The following PALLD variants were observed in gnomAD, a reference collection of about 807,000 sequenced individuals.
PALLD encodes the protein palladin.
In PALLD, 61 loss-of-function variants were observed where a neutral mutation model predicts 123.5. The ratio of observed to expected loss-of-function variants is 0.49; its 90% CI spans 0.40 to 0.61. PALLD has a LOEUF of 0.61. PALLD is among the 20% of genes least tolerant of loss of function. The pLI is 0.00. For missense variants in PALLD, 1,273 were observed against 1,377.0 expected, an observed-to-expected ratio of 0.92 and a Z score of 1.20; for synonymous variants, 465 against 496.4, an observed-to-expected ratio of 0.94 and a Z score of 0.84.
intron 10 of PALLD, among the ~76,000 whole-genome samples, chr4:168,806,872 A>G (rs962079503): frequency 5.9e-5 from 9 of 152,088 alleles, no homozygotes; most frequent in Admixed American, 2.0e-4. Context: ...ATGTGTGTGT[A>G]TATATATATA....
chr4:168,678,036 A>G (rs1240133364), intron 3 of PALLD: 1 of 152,246 alleles, frequency 6.6e-6, no homozygotes, highest in African/African-American at 2.4e-5. Context: ...TCATTCCAGC[A>G]GAAGCCTGGA....
At chr4:168,831,358 G>A (rs1460766387) in intron 10 of PALLD, among the ~76,000 whole-genome samples, 1 of 152,218 alleles carries the variant, frequency 6.6e-6, no homozygotes, top group Non-Finnish European at 1.5e-5. Context: ...GAGGATCACA[G>A]GATAGGATAG....
chr4:168,849,187 G>A (rs189484568), intron 10 of PALLD, among the ~76,000 whole-genome samples: 185 of 152,328 alleles, frequency 1.2e-3, no homozygotes, highest in African/African-American at 4.2e-3. Context: ...TTGGCAAACC[G>A]ATAGCATCAG....
intron 3 of PALLD, among the ~76,000 whole-genome samples, chr4:168,668,983 A>G (rs943538767): frequency 1.3e-5 from 2 of 152,172 alleles, no homozygotes; most frequent in African/African-American, 4.8e-5. Flanking sequence ...AAAGTATTAT[A>G]TTTTACATTT....
Position 168,725,717 on chromosome 4 carries a change from G to A in PALLD, c.1964+13794G>A, listed in dbSNP as rs369250732. Among the ~76,000 whole-genome samples the A allele has an allele frequency of 5.9e-5, 9 of 151,774 alleles. No individual in the cohort carries two copies. The East Asian group carries it at 9.7e-4, about 16-fold the overall frequency. ...AATTTTTTGTATTTTTAGTACAGAC[G>A]GGGTTTCACCATGTTGGCCAGGATG... On this transcript the variant is annotated intron_variant, in intron 10 of 21. Transcript: ENST00000505667.
At chr4:168,513,469 T>G (rs180699396) in intron 2 of PALLD, among the ~76,000 whole-genome samples, 3 of 152,048 alleles carry the variant, frequency 2.0e-5, no homozygotes, top group Non-Finnish European at 2.9e-5. Flanking sequence ...GATCCTGGAG[T>G]CCCCCTGCAG....
chr4:168,775,208 T>C (rs912578188), intron 10 of PALLD, among the ~76,000 whole-genome samples: 3 of 152,218 alleles, frequency 2.0e-5, no homozygotes, highest in Non-Finnish European at 2.9e-5. Context: ...GCACATGGTA[T>C]CATTAGTTTT....
intron 10 of PALLD, among the ~76,000 whole-genome samples, chr4:168,880,492 C>G (rs1261835805): frequency 6.6e-6 from 1 of 152,180 alleles, no homozygotes; most frequent in Non-Finnish European, 1.5e-5. Context: ...CTAAATCACG[C>G]ATACTTGAAG....
rs141093251 is a variant in PALLD, at chr4:168,736,635, C to T, written c.1964+24712C>T. Among the ~76,000 whole-genome samples, 11 of 152,280 alleles carry T rather than the reference C, an allele frequency of 7.2e-5. No individual in the cohort carries two copies. In the East Asian group the frequency reaches 1.5e-3, roughly 21 times the overall value. On this transcript the variant is annotated intron_variant, in intron 10 of 21. Transcript: ENST00000505667. Reference sequence around the variant, plus strand: ...TCATGGAGACCAGGTATAACTCATTCCTGGACTTGCAGAAGGCCCTAGGTG... The same window carrying T: ...TCATGGAGACCAGGTATAACTCATTTCTGGACTTGCAGAAGGCCCTAGGTG...
At chr4:168,921,937 C>G (rs1292884611) in intron 18 of PALLD, among the ~76,000 whole-genome samples, 196 bp downstream of exon 18, 3 of 152,096 alleles carry the variant, frequency 2.0e-5, no homozygotes, top group Non-Finnish European at 4.4e-5. Context: ...TCCCACTAAC[C>G]TGGCAAAGAG....
At chr4:168,665,280 G>C (rs993096418) in intron 2 of PALLD, among the ~76,000 whole-genome samples, 2 of 152,030 alleles carry the variant, frequency 1.3e-5, no homozygotes, top group African/African-American at 2.4e-5. Context: ...CTATCCTATT[G>C]GAATGTAAGT....
intron 2 of PALLD, among the ~76,000 whole-genome samples, chr4:168,513,905 G>A (rs1361912277): frequency 6.6e-6 from 1 of 152,094 alleles, no homozygotes; most frequent in Non-Finnish European, 1.5e-5. Flanking sequence ...AGGAGTTCGA[G>A]ACAAGCCTGG....
chr4:168,748,297 C>A (rs1420446924), intron 10 of PALLD, among the ~76,000 whole-genome samples: 2 of 152,144 alleles, frequency 1.3e-5, no homozygotes, highest in Admixed American at 6.5e-5. Context: ...TCAGTTGAAC[C>A]AGAAACTCTG....
At chr4:168,504,806 A>C (rs1761834540) in intron 1 of PALLD, 1 of 152,174 alleles carries the variant, frequency 6.6e-6, no homozygotes, top group South Asian at 2.1e-4. Flanking sequence ...ATTCTTCAAA[A>C]TTTCAAAATC....
intron 2 of PALLD, among the ~76,000 whole-genome samples, chr4:168,604,843 G>A (rs1773013004): frequency 6.6e-6 from 1 of 152,120 alleles, no homozygotes; most frequent in Non-Finnish European, 1.5e-5. Flanking sequence ...TAAATAGAGG[G>A]TAAGAAACAA....
intron 10 of PALLD, among the ~76,000 whole-genome samples, chr4:168,752,014 G>A (rs939446886): frequency 6.6e-6 from 1 of 152,192 alleles, no homozygotes; most frequent in Non-Finnish European, 1.5e-5. Context: ...TAACAGATCC[G>A]GGCTCTGTCG....
chr4:168,522,180 A>T (rs1162759706), intron 2 of PALLD, among the ~76,000 whole-genome samples: 1 of 152,232 alleles, frequency 6.6e-6, no homozygotes, highest in Non-Finnish European at 1.5e-5. Flanking sequence ...GCTAGAGTTA[A>T]TTGAAAGTGG....
At position 168,921,477 on chromosome 4, in the gene PALLD, C is replaced by T. The variant is rs117588152; in HGVS notation, c.2851-57C>T. 1.8e-3 allele frequency: 2,155 copies of T among 1,167,516 alleles called. 32 individuals are homozygous for T. The East Asian group carries it at 0.041, about 22-fold the overall frequency. The allele number at this position is 1,167,516 out of a possible 1,614,324, so 72.3% of individuals were successfully genotyped here. A position where few individuals can be genotyped will look rare whatever the true frequency, so the allele number is the denominator to read the frequency against. ...GAATTTATGCAGACTTCTTAGCTAC[C>T]AGTGATTTCACTCTGTTTTAATACA... is the stretch of plus-strand genomic sequence containing the variant. On this transcript the variant is annotated intron_variant, in intron 17 of 21. Transcript: ENST00000505667.
chr4:168,625,496 C>A, intron 2 of PALLD, among the ~76,000 whole-genome samples: 2 of 21,718 alleles, frequency 9.2e-5, no homozygotes, highest in Non-Finnish European at 2.9e-4. Flanking sequence ...GGATTAATAT[C>A]CAGGAGATAT....
Sources: gnomAD v4.1 joint callset for allele counts (sites outside exome capture counted in the v4.1 genomes callset) on GRCh38, gnomAD v4.1.1 for gene constraint, MANE v1.5 for transcripts, NCBI Gene and HGNC (gene_info 2026-07-23, HGNC 2026-07-21) for gene names.